The following RBFOX1 variants were observed in gnomAD, a reference collection of about 807,000 sequenced individuals.
RBFOX1 encodes RNA binding protein fox-1 homolog 1.
Under a neutral mutation model 57.7 loss-of-function variants are expected in RBFOX1, and 8 were observed. The ratio of observed to expected loss-of-function variants is 0.14; its 90% CI spans 0.08 to 0.25. The LOEUF (loss-of-function observed/expected upper bound fraction) is 0.25, where lower values mean the gene tolerates loss of function less well. RBFOX1 is among the 10% of genes least tolerant of loss of function. The pLI is 1.00. For missense variants in RBFOX1, 611 were observed against 548.5 expected, an observed-to-expected ratio of 1.11 and a Z score of -1.14; for synonymous variants, 326 against 222.4, an observed-to-expected ratio of 1.47 and a Z score of -4.15.
chr16:7,704,563 G>A (rs1462436330), intron 14 of RBFOX1, among the ~76,000 whole-genome samples: 1 of 152,138 alleles, frequency 6.6e-6, no homozygotes, highest in African/African-American at 2.4e-5. Context: ...TTGTCTTGCT[G>A]CCTCCTCTCT....
intron 2 of RBFOX1, among the ~76,000 whole-genome samples, chr16:5,563,358 A>G (rs970698589): frequency 2.6e-5 from 4 of 152,222 alleles, no homozygotes; most frequent in African/African-American, 4.8e-5. Flanking sequence ...CTCCAAATAT[A>G]AAGCGAAGGA....
rs191841105 is a variant in RBFOX1 at position 5,743,186 on chromosome 16, C to T, written c.319-124117C>T. ...TGGGTTACAGGTACATTTTCTATTT[C>T]TCTTTGTATGTCTCTGTGAATCTGA... On this transcript the variant is annotated intron_variant, in intron 3 of 19. Coordinates refer to the RBFOX1 transcript ENST00000641259. Among the ~76,000 whole-genome samples the T allele has an allele frequency of 1.8e-3, 274 of 152,286 alleles. 2 individuals carry two copies. Among genetic ancestry groups the T allele is most frequent in the African/African-American group, 6.5e-3 (270 of 41,574 alleles).
At chr16:6,527,760 T>G (rs1185451226) in intron 2 of RBFOX1, among the ~76,000 whole-genome samples, 1 of 152,076 alleles carries the variant, frequency 6.6e-6, no homozygotes, top group African/African-American at 2.4e-5. Context: ...GTCTCTCACC[T>G]TGTGGGCGAG....
intron 3 of RBFOX1, among the ~76,000 whole-genome samples, chr16:5,753,463 A>G (rs114867659): frequency 0.011 from 1,718 of 152,322 alleles, 35 homozygotes; most frequent in African/African-American, 0.04. Flanking sequence ...CTCCGTTTCC[A>G]TATGGTAGAC....
chr16:7,273,831 C>A (rs924200231), intron 4 of RBFOX1, among the ~76,000 whole-genome samples: 1 of 152,132 alleles, frequency 6.6e-6, no homozygotes, highest in African/African-American at 2.4e-5. Flanking sequence ...ATTGGTTTGC[C>A]TTTCTCTCTT....
intron 3 of RBFOX1, among the ~76,000 whole-genome samples, chr16:5,737,717 T>C (rs1487867609): frequency 4.6e-5 from 7 of 152,148 alleles, no homozygotes; most frequent in Admixed American, 2.6e-4. Flanking sequence ...CAAGATTGGA[T>C]GATGGCTGCA....
chr16:7,010,898 A>G (rs1166345830), intron 3 of RBFOX1, among the ~76,000 whole-genome samples: 1 of 152,128 alleles, frequency 6.6e-6, no homozygotes, highest in Non-Finnish European at 1.5e-5. Flanking sequence ...TCTTGAGCAG[A>G]AGATAGTGTG....
At chr16:7,204,360 G>C (rs1045744594) in intron 4 of RBFOX1, among the ~76,000 whole-genome samples, 2 of 152,230 alleles carry the variant, frequency 1.3e-5, no homozygotes, top group African/African-American at 4.8e-5. Flanking sequence ...ATAAGTTCCT[G>C]GTCAGGTGTA....
intron 4 of RBFOX1, among the ~76,000 whole-genome samples, chr16:7,131,998 CTTTTTT>C (rs34879688): frequency 8.1e-6 from 1 of 123,844 alleles, no homozygotes; most frequent in Non-Finnish European, 1.7e-5. Flanking sequence ...TTTTTTCTTT[CTTTTTT>C]TTTTTTTTTT....
chr16:5,673,964 A>T (rs540656736), intron 3 of RBFOX1, among the ~76,000 whole-genome samples: 24 of 152,368 alleles, frequency 1.6e-4, no homozygotes, highest in Non-Finnish European at 2.8e-4. Context: ...GTCTTGATGC[A>T]TCCAGGGGAG....
chr16:5,485,216 G>A (rs1054168640), intron 2 of RBFOX1, among the ~76,000 whole-genome samples: 5 of 151,766 alleles, frequency 3.3e-5, no homozygotes, highest in Non-Finnish European at 7.4e-5. Flanking sequence ...CGTAGTGGCA[G>A]GTGTCTATAG....
intron 4 of RBFOX1, among the ~76,000 whole-genome samples, chr16:7,394,031 T>C (rs1396790853): frequency 6.6e-6 from 1 of 150,956 alleles, no homozygotes; most frequent in Non-Finnish European, 1.5e-5. Flanking sequence ...AGGTCAGGAG[T>C]TGGAGACCAT....
chr16:6,574,762 G>T (rs2097401873), intron 2 of RBFOX1, among the ~76,000 whole-genome samples: 1 of 148,454 alleles, frequency 6.7e-6, no homozygotes, highest in African/African-American at 2.5e-5. Flanking sequence ...CCACGGGCTG[G>T]GCGTGGTGGC....
At chr16:5,744,655 G>A (rs549890584) in intron 3 of RBFOX1, among the ~76,000 whole-genome samples, 8 of 152,218 alleles carry the variant, frequency 5.3e-5, no homozygotes, top group South Asian at 2.1e-4. Context: ...CATCTCACCC[G>A]ATCTGAAATT....
chr16:7,545,599 C>T (rs1025020367), intron 5 of RBFOX1, among the ~76,000 whole-genome samples: 1 of 152,184 alleles, frequency 6.6e-6, no homozygotes, highest in Non-Finnish European at 1.5e-5. Flanking sequence ...TGAACCCCAG[C>T]TCAGTCTCCA....
intron 1 of RBFOX1, among the ~76,000 whole-genome samples, chr16:6,271,244 TGA>T (rs2075175284): frequency 6.6e-6 from 1 of 152,086 alleles, no homozygotes; most frequent in Non-Finnish European, 1.5e-5. Flanking sequence ...GCCAACATGG[TGA>T]AACCCCATAC....
chr16:7,587,909 G>A (rs1355821094), intron 7 of RBFOX1, among the ~76,000 whole-genome samples: 4 of 152,320 alleles, frequency 2.6e-5, no homozygotes, highest in African/African-American at 2.4e-5. Flanking sequence ...AATATGGGCT[G>A]GGTGCAGTGG....
intron 4 of RBFOX1, among the ~76,000 whole-genome samples, chr16:7,491,825 C>G (rs2067075070): frequency 6.6e-6 from 1 of 152,006 alleles, no homozygotes; most frequent in Admixed American, 6.6e-5. Flanking sequence ...AAAAACATGT[C>G]CTTGTATTTA....
chr16:6,841,928 G>A (rs895348935), intron 3 of RBFOX1, among the ~76,000 whole-genome samples: 2 of 151,716 alleles, frequency 1.3e-5, no homozygotes, highest in Admixed American at 6.6e-5. Flanking sequence ...CACGAGGTCA[G>A]GAGATCGAGA....
Sources: gnomAD v4.1 joint callset for allele counts (sites outside exome capture counted in the v4.1 genomes callset) on GRCh38, gnomAD v4.1.1 for gene constraint, MANE v1.5 for transcripts, NCBI Gene and HGNC (gene_info 2026-07-23, HGNC 2026-07-21) for gene names.